Variants in ATF7IP2 observed in about 807,000 individuals in gnomAD.
ATF7IP2 encodes the protein activating transcription factor 7 interacting protein 2.
Under a neutral mutation model 64.2 loss-of-function variants are expected in ATF7IP2, and 42 were observed. The ratio of observed to expected loss-of-function variants is 0.65; its 90% CI spans 0.51 to 0.85. The LOEUF is 0.85. Ranked by LOEUF, ATF7IP2 falls within the 40% of genes least tolerant of loss-of-function variation. ATF7IP2 has a pLI of 0.00. For synonymous variants in ATF7IP2, 308 were observed against 272.8 expected (o/e 1.13, Z -1.27); for missense variants, 933 against 784.2 (o/e 1.19, Z -2.27).
intron 1 of ATF7IP2, among the ~76,000 whole-genome samples, chr16:10,403,543 G>A (rs1596444785): frequency 6.6e-6 from 1 of 152,244 alleles, no homozygotes; most frequent in African/African-American, 2.4e-5. Context: ...AAAGTTACAG[G>A]AAGCATGAAA....
chr16:10,469,393 A>C (rs1314937794), intron 9 of ATF7IP2, among the ~76,000 whole-genome samples: 1 of 152,106 alleles, frequency 6.6e-6, no homozygotes, highest in Non-Finnish European at 1.5e-5. Context: ...GTTTGAAGAT[A>C]CAGTGTCTGA....
chr16:10,390,153 A>T (rs764753486), intron 1 of ATF7IP2, among the ~76,000 whole-genome samples: 2 of 152,174 alleles, frequency 1.3e-5, no homozygotes, highest in African/African-American at 4.8e-5. Context: ...ATGTATTAAG[A>T]TACTACCTTG....
At chr16:10,476,232 G>A (rs983125625) in intron 12 of ATF7IP2, among the ~76,000 whole-genome samples, 4 of 152,116 alleles carry the variant, frequency 2.6e-5, no homozygotes, top group African/African-American at 9.7e-5. Flanking sequence ...GAAGGTTTTT[G>A]TAAAAATACC....
In ATF7IP2 at chr16:10,469,205, G is replaced by A. The variant is rs1202657204; in HGVS notation, c.1353-2905G>A. ...TAGAAATAATTTGGACTTAGCAGAC[G>A]ACCTAAAAGAGCTATTGCCAATATA... On this transcript the variant is annotated intron_variant, in intron 9 of 13. Transcript: ENST00000562102. Among the ~76,000 whole-genome samples, 15 of 152,080 alleles carry A rather than the reference G, an allele frequency of 9.9e-5. No individual in the cohort carries two copies. In the East Asian group the frequency reaches 1.4e-3, roughly 14 times the overall value.
chr16:10,393,744 T>C (rs750673274), intron 1 of ATF7IP2, among the ~76,000 whole-genome samples: 6 of 152,288 alleles, frequency 3.9e-5, no homozygotes, highest in African/African-American at 7.2e-5. Context: ...ACACAGCATC[T>C]GTATGTCAAT....
At chr16:10,478,316 A>G (rs2050086317) in intron 12 of ATF7IP2, among the ~76,000 whole-genome samples, 1 of 151,774 alleles carries the variant, frequency 6.6e-6, no homozygotes, top group Admixed American at 6.6e-5. Flanking sequence ...ATATAGATCA[A>G]TGGAACAGAA....
At chr16:10,441,197 G>A (rs913392594) in intron 8 of ATF7IP2, among the ~76,000 whole-genome samples, 1 of 152,152 alleles carries the variant, frequency 6.6e-6, no homozygotes. Context: ...TGTAAATAGT[G>A]CTGCAATAAA....
intron 9 of ATF7IP2, among the ~76,000 whole-genome samples, chr16:10,459,473 G>GAA (rs377627260): frequency 4.8e-5 from 4 of 83,944 alleles, no homozygotes; most frequent in East Asian, 3.6e-4. Flanking sequence ...ATCTCAAAAA[G>GAA]AAAAAAAAAA....
chr16:10,414,206 C>T (rs748434678), intron 1 of ATF7IP2, among the ~76,000 whole-genome samples: 4 of 152,176 alleles, frequency 2.6e-5, no homozygotes, highest in Non-Finnish European at 5.9e-5. Flanking sequence ...TCTTCTTCCT[C>T]AGGAATGCTG....
At chr16:10,470,601 T>TA (rs1266350720) in intron 9 of ATF7IP2, among the ~76,000 whole-genome samples, 7 of 151,632 alleles carry the variant, frequency 4.6e-5, no homozygotes, top group Admixed American at 2.6e-4. Flanking sequence ...CTGGCCAACA[T>TA]AAAAAAACAT....
intron 11 of ATF7IP2, 29 bp from the exon 12 acceptor site, chr16:10,473,894 C>CTTTTT (rs56766112): frequency 0.01 from 10,533 of 1,036,960 alleles, 277 homozygotes; most frequent in East Asian, 0.033. Flanking sequence ...TGAGGCAAAG[C>CTTTTT]TTTTTTTTTT....
chr16:10,475,617 C>T (rs1209132049), intron 12 of ATF7IP2, among the ~76,000 whole-genome samples: 8 of 144,214 alleles, frequency 5.5e-5, no homozygotes, highest in African/African-American at 1.3e-4. Flanking sequence ...GGCGCGAACC[C>T]GGGAAGTGGA....
intron 8 of ATF7IP2, among the ~76,000 whole-genome samples, chr16:10,450,799 A>G (rs1168954283): frequency 1.3e-5 from 2 of 152,100 alleles, no homozygotes; most frequent in African/African-American, 4.8e-5. Flanking sequence ...TAATTGGGGC[A>G]TTTAGCCCAT....
chr16:10,409,320 TA>T (rs1567432850), intron 1 of ATF7IP2, among the ~76,000 whole-genome samples: 1 of 152,082 alleles, frequency 6.6e-6, no homozygotes, highest in African/African-American at 2.4e-5. Flanking sequence ...TTACACTAAT[TA>T]GGGGCAAGGA....
At chr16:10,412,432 C>T (rs184849138) in intron 1 of ATF7IP2, among the ~76,000 whole-genome samples, 1 of 152,116 alleles carries the variant, frequency 6.6e-6, no homozygotes, top group Non-Finnish European at 1.5e-5. Context: ...TCATTGTTGA[C>T]CCAGTGATCA....
chr16:10,445,499 A>ATTATTTAT (rs71402485), intron 8 of ATF7IP2: 13,539 of 151,408 alleles, frequency 0.089, 671 homozygotes, highest in African/African-American at 0.12. Flanking sequence ...GCAGCTGGAG[A>ATTATTTAT]TTATTTATTT....
intron 9 of ATF7IP2, among the ~76,000 whole-genome samples, chr16:10,458,583 T>C (rs977365198): frequency 6.6e-6 from 1 of 152,338 alleles, no homozygotes; most frequent in Admixed American, 6.5e-5. Context: ...GTAACAAATG[T>C]GTAACTTGAT....
At chr16:10,463,195 G>A (rs1229757590) in intron 9 of ATF7IP2, among the ~76,000 whole-genome samples, 1 of 152,070 alleles carries the variant, frequency 6.6e-6, no homozygotes, top group East Asian at 1.9e-4. Context: ...TTTGATTACT[G>A]GATATTGTAT....
At chr16:10,403,177 C>G (rs1479459789) in intron 1 of ATF7IP2, among the ~76,000 whole-genome samples, 1 of 152,142 alleles carries the variant, frequency 6.6e-6, no homozygotes, top group Admixed American at 6.5e-5. Flanking sequence ...TAAGTGCCAC[C>G]TATTGGCCTG....
Sources: allele counts gnomAD v4.1 joint callset (sites outside exome capture counted in the v4.1 genomes callset), GRCh38; gene constraint gnomAD v4.1.1; transcripts MANE v1.5; gene names NCBI Gene and HGNC (gene_info 2026-07-23, HGNC 2026-07-21).